AKR1C1: variants seen among roughly 807,000 people sequenced by gnomAD.
The protein encoded by AKR1C1 is aldo-keto reductase family 1 member C1, also known as 20 alpha-hydroxysteroid dehydrogenase.
In AKR1C1, 32 loss-of-function variants were observed where a neutral mutation model predicts 40.6. That is an observed-to-expected ratio of 0.79 (90% CI 0.60 to 1.06). AKR1C1 has a LOEUF of 1.06. Ranked by LOEUF, AKR1C1 falls within the 50% of genes least tolerant of loss-of-function variation. AKR1C1 has a pLI of 0.00. For missense variants in AKR1C1, 320 were observed against 363.5 expected (o/e 0.88, Z 0.97); for synonymous variants, 105 against 134.2 (o/e 0.78, Z 1.50).
intron 5 of AKR1C1, chr10:4,969,689 C>T: frequency 6.2e-7 from 1 of 1,611,818 alleles, no homozygotes; most frequent in Non-Finnish European, 8.5e-7. Flanking sequence ...GAGATAATTC[C>T]ATCTTTTCCT....
rs1264028321 is a variant in AKR1C1, at chr10:4,982,381, C to T, written c.*4639C>T. Reference sequence around the variant, plus strand: ...GCCCCACCCCCCTCCCTGGACAGCCCAGCTACAATTGTCTGAGAACTCACT... The same window carrying T: ...GCCCCACCCCCCTCCCTGGACAGCCTAGCTACAATTGTCTGAGAACTCACT... On this transcript the variant is annotated 3_prime_UTR_variant, in exon 9 of 9. Transcript: ENST00000380872. 3 of 134,522 alleles carry T rather than the reference C, an allele frequency of 2.2e-5. No homozygotes were observed. The highest frequency in any genetic ancestry group is 3.2e-5 in the Non-Finnish European group (2 of 62,898). 8.3% of individuals were successfully genotyped at this position (134,522 alleles called of 1,614,324 possible).
rs774073745 is a variant in AKR1C1, at chr10:4,968,880, A to G, written c.506A>G (p.Asn169Ser). The change falls in exon 5 of 9, where the codon AAC (asparagine) becomes AGC (serine). Residue 169 changes from asparagine (N) to serine (S), a missense_variant. By Grantham distance (46) the Asn-to-Ser change is conservative. Coordinates refer to ENST00000380872, the MANE Select transcript of AKR1C1 (RefSeq NM_001353.6). ...LAKSIGVSNF[N>S]RRQLEMILNK... is the part of the protein sequence containing the mutation. ...AAGTCCATCGGGGTGTCCAACTTCA[A>G]CCGCAGGCAGCTGGAGATGATCCTC... is the stretch of plus-strand genomic sequence containing the variant. 55 of 1,614,026 alleles carry G rather than the reference A, an allele frequency of 3.4e-5. No homozygotes were observed. The highest frequency in any genetic ancestry group is 4.4e-5 in the Non-Finnish European group (52 of 1,180,018).
At position 4,968,872 on chromosome 10, in the gene AKR1C1, C is replaced by T. The variant is rs561807530; in HGVS notation, c.498C>T (p.Ser166=). Reference sequence around the variant, plus strand: ...GATTGGCCAAGTCCATCGGGGTGTCCAACTTCAACCGCAGGCAGCTGGAGA... The same window carrying T: ...GATTGGCCAAGTCCATCGGGGTGTCTAACTTCAACCGCAGGCAGCTGGAGA... ...DAGLAKSIGV[S]NFNRRQLEMI... is the part of the protein sequence containing the mutation. Residue 166 remains serine, a synonymous_variant, in exon 5 of 9, where the codon TCC becomes TCT. Transcript: ENST00000380872. 5 of 1,614,158 alleles carry T rather than the reference C, an allele frequency of 3.1e-6. No homozygotes were observed. Among genetic ancestry groups the T allele is most frequent in the Middle Eastern group, 1.6e-4 (1 of 6,062 alleles).
At position 4,972,320 on chromosome 10, in the gene AKR1C1, G is replaced by C. The variant is rs1198464122; in HGVS notation, c.680+10G>C. ...ACCGAGAAGAACCATGGTAATAAGA[G>C]ATACAGGAAGTTTACCTAAAACACC... On this transcript the variant is annotated intron_variant, in intron 6 of 8. Coordinates refer to ENST00000380872, the MANE Select transcript of AKR1C1 (RefSeq NM_001353.6). 4.3e-6 allele frequency: 7 copies of C among 1,609,670 alleles called. No individual in the cohort carries two copies. Among genetic ancestry groups the C allele is most frequent in the African/African-American group, 1.4e-5 (1 of 72,978 alleles).
chr10:4,966,165 A>G (rs570924786), intron 2 of AKR1C1, 84 bp downstream of exon 2: 2 of 1,525,044 alleles, frequency 1.3e-6, no homozygotes, highest in Admixed American at 4.2e-5. Flanking sequence ...GATCCATAGT[A>G]TAGGGTGAAT....
chr10:4,968,957 A>T lies in AKR1C1; in HGVS notation c.570+13A>T, dbSNP rs533250914. On this transcript the variant is annotated intron_variant, in intron 5 of 8. Coordinates refer to ENST00000380872, the MANE Select transcript of AKR1C1 (RefSeq NM_001353.6). ...TGTCTGCAACCAGGTGAGCACCCTC[A>T]GCCTCCTCTCCTTTCTGTTCTTCAT... The T allele has an allele frequency of 6.2e-7, 1 of 1,614,196 alleles. No homozygotes were observed. The highest frequency in any genetic ancestry group is 1.7e-5 in the Admixed American group (1 of 60,024).
intron 5 of AKR1C1, chr10:4,969,746 C>T: frequency 6.2e-7 from 1 of 1,611,002 alleles, no homozygotes; most frequent in Admixed American, 1.7e-5. Flanking sequence ...AATTGACTGT[C>T]CCCAAATGTT....
intron 2 of AKR1C1, 23 bp from the exon 3 acceptor site, chr10:4,966,904 C>G (rs746168711): frequency 6.3e-7 from 1 of 1,589,374 alleles, no homozygotes; most frequent in South Asian, 1.2e-5. Context: ...CATTACACAA[C>G]TTCCTTTCTC....
chr10:4,966,668 T>G (rs1836338448), intron 2 of AKR1C1, among the ~76,000 whole-genome samples: 2 of 152,226 alleles, frequency 1.3e-5, no homozygotes, highest in Admixed American at 1.3e-4. Flanking sequence ...ATAATGGGTA[T>G]GCTTATGATT....
At chr10:4,969,790 T>C in intron 5 of AKR1C1, 2 of 1,560,598 alleles carry the variant, frequency 1.3e-6, no homozygotes, top group Middle Eastern at 1.7e-4. Context: ...ACTACACTTT[T>C]CCCAGTAAAT....
chr10:4,976,391 A>C (rs185771330), intron 8 of AKR1C1, among the ~76,000 whole-genome samples: 164 of 152,046 alleles, frequency 1.1e-3, no homozygotes, highest in African/African-American at 3.8e-3. Flanking sequence ...CACCTCTTTC[A>C]CATGGAATTG....
chr10:4,963,535 A>G lies in AKR1C1; in HGVS notation c.84+7A>G, dbSNP rs1306256502. 4 of 1,608,360 alleles carry G rather than the reference A, an allele frequency of 2.5e-6. No individual in the cohort carries two copies. The highest frequency in any genetic ancestry group is 4.5e-5 in the East Asian group (2 of 44,862). ...CACCTATGCGCCTGCAGAGGTAACA[A>G]TAATATTTTTAGTGTTGAGAGTTCA... is the stretch of plus-strand genomic sequence containing the variant. On this transcript the variant is annotated splice_region_variant and intron_variant, in intron 1 of 8. Coordinates refer to ENST00000380872, the MANE Select transcript of AKR1C1 (RefSeq NM_001353.6).
In AKR1C1 at chr10:4,978,599, T is replaced by C. The variant is rs1836565487; in HGVS notation, c.*857T>C. The C allele has an allele frequency of 6.6e-6, 1 of 152,168 alleles. No individual in the cohort carries two copies. The highest frequency in any genetic ancestry group is 2.4e-5 in the African/African-American group (1 of 41,428). 9.4% of individuals were successfully genotyped at this position (152,168 alleles called of 1,614,324 possible). On this transcript the variant is annotated 3_prime_UTR_variant, in exon 9 of 9. Transcript: ENST00000380872. The stretch of plus-strand genomic sequence containing the variant: ...CACATTCCCCTGAATAGCTCATATT[T>C]AGAAAATATTCTTAGATTCTAAAAA...
intron 5 of AKR1C1, among the ~76,000 whole-genome samples, chr10:4,969,166 A>G (rs1422620969): frequency 2.6e-5 from 4 of 152,206 alleles, no homozygotes; most frequent in African/African-American, 7.2e-5. Flanking sequence ...TGTTATATTT[A>G]TGGGAGGTCA....
At chr10:4,969,195 A>G (rs191873619) in intron 5 of AKR1C1, among the ~76,000 whole-genome samples, 6 of 152,342 alleles carry the variant, frequency 3.9e-5, no homozygotes, top group Admixed American at 6.5e-5. Context: ...AAGGAGGCCA[A>G]GGATTGTCAA....
At position 4,978,241 on chromosome 10, in the gene AKR1C1, T is replaced by C. The variant is rs1195527064; in HGVS notation, c.*499T>C. The C allele has an allele frequency of 6.6e-6, 1 of 150,716 alleles. No homozygotes were observed. The highest frequency in any genetic ancestry group is 2.5e-5 in the African/African-American group (1 of 39,504). The allele number at this position is 150,716 out of a possible 1,614,324, so 9.3% of individuals were successfully genotyped here. A position where few individuals can be genotyped will look rare whatever the true frequency, so the allele number is the denominator to read the frequency against. On this transcript the variant is annotated 3_prime_UTR_variant, in exon 9 of 9. Coordinates refer to ENST00000380872, the MANE Select transcript of AKR1C1 (RefSeq NM_001353.6). ...ATTGACTAGCAATTCATGGGCTCCC[T>C]CCAGCAGTGCGAGGGTCAGAGTTTC...
chr10:4,968,808 T>C lies in AKR1C1; in HGVS notation c.448-14T>C. On this transcript the variant is annotated splice_polypyrimidine_tract_variant and intron_variant, in intron 4 of 8. Transcript: ENST00000380872. ...TATCTTGATCTTCCACACCTCACAATTCCTTTTTCCCAGGCCGTGGAGAAG... is the reference window on the plus strand; with the variant it reads ...TATCTTGATCTTCCACACCTCACAACTCCTTTTTCCCAGGCCGTGGAGAAG... 1 of 1,613,820 alleles carries C rather than the reference T, an allele frequency of 6.2e-7. No individual in the cohort carries two copies. Among genetic ancestry groups the C allele is most frequent in the Non-Finnish European group, 8.5e-7 (1 of 1,179,756 alleles).
At chr10:4,965,767 A>T in intron 1 of AKR1C1, 147 bp from the exon 2 acceptor site, 1 of 910,356 alleles carries the variant, frequency 1.1e-6, no homozygotes, top group Non-Finnish European at 1.6e-6. Context: ...GGAAAGACCC[A>T]GGGAGACTGG....
At chr10:4,965,636 A>G in intron 1 of AKR1C1, 1 of 340,584 alleles carries the variant, frequency 2.9e-6, no homozygotes, top group Non-Finnish European at 5.3e-6. Context: ...CATCCTGTTA[A>G]TTTTTCCAAA....
Sources: allele counts gnomAD v4.1 joint callset (sites outside exome capture counted in the v4.1 genomes callset), GRCh38; gene constraint gnomAD v4.1.1; transcripts MANE v1.5; gene names NCBI Gene and HGNC (gene_info 2026-07-23, HGNC 2026-07-21).